Variants in SHH observed in about 807,000 individuals in gnomAD.
The protein encoded by SHH is sonic hedgehog signaling molecule.
SHH carries 3 observed loss-of-function variants against 16.6 expected under a neutral mutation model. The ratio of observed to expected loss-of-function variants is 0.18; its 90% CI spans 0.08 to 0.47. SHH has a LOEUF of 0.47. Among genes scored for constraint, SHH ranks in the 20% least tolerant of loss-of-function variants. SHH has a pLI of 0.98. For missense variants in SHH, 499 were observed against 665.0 expected, an observed-to-expected ratio of 0.75 and a Z score of 2.75; for synonymous variants, 351 against 316.2, an observed-to-expected ratio of 1.11 and a Z score of -1.17.
In SHH at chr7:155,802,776, A is replaced by ATTC. The variant is rs1554493557; in HGVS notation, c.*123_*124insGAA. On this transcript the variant is annotated 3_prime_UTR_variant, in exon 3 of 3. Coordinates refer to ENST00000297261, the MANE Select transcript of SHH (RefSeq NM_000193.4). The stretch of plus-strand genomic sequence containing the variant: ...AGTCTACTTTGGACTGTCCTACTTT[A>ATTC]TTATTCTTATTCTTATTATAACTCA... 7.9e-5 allele frequency: 43 copies of ATTC among 545,784 alleles called. No individual in the cohort carries two copies. The highest frequency in any genetic ancestry group is 3.4e-4 in the Admixed American group (8 of 23,408). 33.8% of individuals were successfully genotyped at this position (545,784 alleles called of 1,614,324 possible). A position where few individuals can be genotyped will look rare whatever the true frequency, so the allele number is the denominator to read the frequency against.
At position 155,802,188 on chromosome 7, in the gene SHH, A is replaced by G. The variant is rs1272357715; in HGVS notation, c.*712T>C. On this transcript the variant is annotated 3_prime_UTR_variant, in exon 3 of 3. Coordinates refer to ENST00000297261, the MANE Select transcript of SHH (RefSeq NM_000193.4). Reference sequence around the variant, plus strand: ...GAATGTGGCAAAATGGTGAATACAAAGGGAATATGAAACCATAAAGACAAC... The same window carrying G: ...GAATGTGGCAAAATGGTGAATACAAGGGGAATATGAAACCATAAAGACAAC... The G allele has an allele frequency of 2.0e-5, 3 of 152,078 alleles. No homozygotes were observed. The highest frequency in any genetic ancestry group is 2.9e-5 in the Non-Finnish European group (2 of 68,016). The allele number at this position is 152,078 out of a possible 1,614,324, so 9.4% of individuals were successfully genotyped here.
chr7:155,803,055 T>TGCCGCC lies in SHH; in HGVS notation c.1228_1233dup (p.Gly410_Gly411dup). The TGCCGCC allele has an allele frequency of 7.0e-7, 1 of 1,428,750 alleles. No individual in the cohort carries two copies. Among genetic ancestry groups the TGCCGCC allele is most frequent in the South Asian group, 1.7e-5 (1 of 59,152 alleles). The allele number at this position is 1,428,750 out of a possible 1,614,324, so 88.5% of individuals were successfully genotyped here. Reference sequence around the variant, plus strand: ...GCACCTGGAGCGGTTAGGGCTACTCTGCCGCCGCCGCCCCCGCGGTCCCCG... The same window carrying TGCCGCC: ...GCACCTGGAGCGGTTAGGGCTACTCTGCCGCCGCCGCCGCCGCCCCCGCGGTCCCCG... On this transcript the variant is annotated inframe_insertion, in exon 3 of 3. Transcript: ENST00000297261.
chr7:155,803,485 G>A lies in SHH; in HGVS notation c.804C>T (p.Ala268=), dbSNP rs1299168800. ...REPRERLLLT[A]AHLLFVAPHN... Reference sequence around the variant, plus strand: ...GCGGCGCCACAAAGAGCAGGTGCGCGGCGGTGAGCAGCAGGCGCTCGCGCG... The same window carrying A: ...GCGGCGCCACAAAGAGCAGGTGCGCAGCGGTGAGCAGCAGGCGCTCGCGCG... The change falls in exon 3 of 3, where the codon GCC becomes GCT. Residue 268 remains alanine, a synonymous_variant. Coordinates refer to ENST00000297261, the MANE Select transcript of SHH (RefSeq NM_000193.4). 3.2e-6 allele frequency: 5 copies of A among 1,567,770 alleles called. No homozygotes were observed. Among genetic ancestry groups the A allele is most frequent in the African/African-American group, 2.7e-5 (2 of 74,290 alleles).
At chr7:155,806,211 C>G (rs1477167086) in intron 2 of SHH, 85 bp downstream of exon 2, 4 of 1,560,096 alleles carry the variant, frequency 2.6e-6, no homozygotes, top group East Asian at 2.2e-5. Context: ...TCAGCCTCCC[C>G]CCAGGTTTCT....
chr7:155,804,616 A>G (rs1389845046), intron 2 of SHH, among the ~76,000 whole-genome samples: 1 of 140,592 alleles, frequency 7.1e-6, no homozygotes, highest in East Asian at 2.2e-4. Flanking sequence ...CCTCTCTTCC[A>G]AGCACTCAAG....
intron 1 of SHH, among the ~76,000 whole-genome samples, chr7:155,811,223 C>G (rs941960888): frequency 2.6e-5 from 4 of 152,244 alleles, no homozygotes; most frequent in African/African-American, 7.2e-5. Flanking sequence ...CAGGGACGGG[C>G]GGAGTCTCCC....
Position 155,802,652 on chromosome 7 carries a change from G to A in SHH, c.*248C>T, listed in dbSNP as rs200361045. 5.2e-3 allele frequency: 1,937 copies of A among 369,652 alleles called. 66 individuals are homozygous for A. The East Asian group carries it at 0.061, about 12-fold the overall frequency. The allele number at this position is 369,652 out of a possible 1,614,324, so 22.9% of individuals were successfully genotyped here. On this transcript the variant is annotated 3_prime_UTR_variant, in exon 3 of 3. Coordinates refer to ENST00000297261, the MANE Select transcript of SHH (RefSeq NM_000193.4). ...AAACAAATAAATAGCCAGGAGAGGA[G>A]GAAAAAATAACCAAAATAAAACAAT...
At position 155,806,362 on chromosome 7, in the gene SHH, C is replaced by T; in HGVS notation, c.496G>A (p.Val166Met). 1.2e-6 allele frequency: 2 copies of T among 1,613,592 alleles called. No individual in the cohort carries two copies. Among genetic ancestry groups the T allele is most frequent in the Non-Finnish European group, 1.7e-6 (2 of 1,180,040 alleles). Residue 166 changes from valine (V) to methionine (M), a missense_variant, in exon 2 of 3, where the codon GTG becomes ATG. Physicochemically the swap from Val to Met is conservative, Grantham distance 21 (BLOSUM62 1). This residue lies in a region of SHH where 114 missense variants were observed against 200.4 expected (regional missense o/e 0.57). Transcript: ENST00000297261. Reference protein sequence around the residue: ...SKYGMLARLAVEAGFDWVYYE... With the variant: ...SKYGMLARLAMEAGFDWVYYE... ...TACACCCAGTCGAAGCCGGCCTCCA[C>T]CGCCAGGCGGGCCAGCATGCCGTAC...
chr7:155,803,451 A>G lies in SHH; in HGVS notation c.838T>C (p.Ser280Pro), dbSNP rs1424023440. 1 of 1,544,606 alleles carries G rather than the reference A, an allele frequency of 6.5e-7. No individual in the cohort carries two copies. The highest frequency in any genetic ancestry group is 8.7e-7 in the Non-Finnish European group (1 of 1,149,958). ...HLLFVAPHNDSATGEPEASSG... is the reference protein window; with the variant it reads ...HLLFVAPHNDPATGEPEASSG... ...GACGCCTCGGGCTCCCCGGTGGCCG[A>G]GTCGTTGTGCGGCGCCACAAAGAGC... is the stretch of plus-strand genomic sequence containing the variant. The change falls in exon 3 of 3, where the codon TCG becomes CCG. Residue 280 changes from serine to proline, a missense_variant. Transcript: ENST00000297261.
rs531909012 is a variant in SHH, at chr7:155,805,279, G to A, written c.562+1017C>T. On this transcript the variant is annotated intron_variant, in intron 2 of 2. Coordinates refer to ENST00000297261, the MANE Select transcript of SHH (RefSeq NM_000193.4). ...CGCCGCCTCCTGCCTGCCTGCAGCC[G>A]GGAGCTCTCCGGGCCGCACACCCGC... Among the ~76,000 whole-genome samples the A allele has an allele frequency of 3.6e-3, 550 of 151,830 alleles. 2 individuals are homozygous for A. The highest frequency in any genetic ancestry group is 0.013 in the African/African-American group (531 of 41,426).
rs73735500 is a variant in SHH at position 155,812,311 on chromosome 7, C to A, written c.-189G>T. On this transcript the variant is annotated 5_prime_UTR_variant, in exon 1 of 3. Coordinates refer to ENST00000297261, the MANE Select transcript of SHH (RefSeq NM_000193.4). ...TATATAACCTTGCCCGCCGCGGCTG[C>A]GGGGGACTCTCCACCGCTCCCCACC... 381 of 637,920 alleles carry A rather than the reference C, an allele frequency of 6.0e-4. 1 individual carries two copies. The African/African-American group carries it at 6.1e-3, about 10-fold the overall frequency. 39.5% of individuals were successfully genotyped at this position (637,920 alleles called of 1,614,324 possible).
chr7:155,812,090 G>C lies in SHH; in HGVS notation c.33C>G (p.Val11=), dbSNP rs769792527. ...AGCATACCAGCAGCGAGGAGACGAG[G>C]ACTAGCAGCAGACATCTCGCCAGCA... The part of the protein sequence containing the change: MLLLARCLLL[V]LVSSLLVCSG... The change falls in exon 1 of 3, where the codon GTC becomes GTG. Residue 11 remains valine (V), a synonymous_variant. Coordinates refer to ENST00000297261, the MANE Select transcript of SHH (RefSeq NM_000193.4). The C allele has an allele frequency of 4.3e-6, 7 of 1,614,196 alleles. No homozygotes were observed. In the South Asian group the frequency reaches 7.7e-5, roughly 18 times the overall value.
chr7:155,806,074 C>G (rs1803353126), intron 2 of SHH, among the ~76,000 whole-genome samples: 1 of 152,248 alleles, frequency 6.6e-6, no homozygotes, highest in Non-Finnish European at 1.5e-5. Context: ...AGGACCCCAT[C>G]TCGGGGCATG....
In SHH at chr7:155,800,193, C is replaced by G; in HGVS notation, c.*2707G>C. The G allele has an allele frequency of 2.1e-6, 1 of 471,184 alleles. No individual in the cohort carries two copies. The highest frequency in any genetic ancestry group is 4.4e-6 in the Non-Finnish European group (1 of 227,086). The allele number at this position is 471,184 out of a possible 1,614,324, so 29.2% of individuals were successfully genotyped here. A position where few individuals can be genotyped will look rare whatever the true frequency, so the allele number is the denominator to read the frequency against. On this transcript the variant is annotated 3_prime_UTR_variant, in exon 3 of 3. Coordinates refer to ENST00000297261, the MANE Select transcript of SHH (RefSeq NM_000193.4). ...CTCGTCCTGGCGGGGCTGGGCTGCA[C>G]CCTCTTGATGCCCTGTACCTAGTGT...
rs1446099204 is a variant in SHH, at chr7:155,809,689, G to GA, written c.300+2133dup. On this transcript the variant is annotated intron_variant, in intron 1 of 2. Transcript: ENST00000297261. The surrounding 1 kb of genome is among the most constrained non-coding windows in gnomAD (Gnocchi z 6.1). Reference sequence around the variant, plus strand: ...GGAACGGGAATAGCCACTGCCCAAGGAAAAAAGTATTTGTTTTCGTTTCGT... The same window carrying GA: ...GGAACGGGAATAGCCACTGCCCAAGGAAAAAAAGTATTTGTTTTCGTTTCGT... Among the ~76,000 whole-genome samples the GA allele has an allele frequency of 1.3e-5, 2 of 151,970 alleles. No individual in the cohort carries two copies. The highest frequency in any genetic ancestry group is 4.8e-5 in the African/African-American group (2 of 41,420).
chr7:155,805,039 C>A (rs750213119), intron 2 of SHH, among the ~76,000 whole-genome samples: 3 of 152,138 alleles, frequency 2.0e-5, no homozygotes, highest in Non-Finnish European at 2.9e-5. Context: ...GCGCCCCGCG[C>A]CCCCGCCCGT....
At chr7:155,803,878 C>G (rs1803274392) in intron 2 of SHH, 152 bp from the exon 3 acceptor site, 2 of 651,324 alleles carry the variant, frequency 3.1e-6, no homozygotes, top group South Asian at 3.7e-5. Flanking sequence ...CCAGGCGGGT[C>G]CCGCACACAC....
chr7:155,805,620 A>G (rs1803337050), intron 2 of SHH, among the ~76,000 whole-genome samples: 1 of 152,200 alleles, frequency 6.6e-6, no homozygotes, highest in African/African-American at 2.4e-5. Flanking sequence ...CGCCGGCAAC[A>G]GCGTGTGGCG....
At position 155,809,671 on chromosome 7, in the gene SHH, G is replaced by T. The variant is rs1803458735; in HGVS notation, c.300+2152C>A. ...CCCCCTCCTTTTGTGTTGGGAACGG[G>T]AATAGCCACTGCCCAAGGAAAAAAG... On this transcript the variant is annotated intron_variant, in intron 1 of 2. Coordinates refer to ENST00000297261, the MANE Select transcript of SHH (RefSeq NM_000193.4). The surrounding 1 kb of genome is among the most constrained non-coding windows in gnomAD (Gnocchi z 6.1). Among the ~76,000 whole-genome samples, 1 of 152,222 alleles carries T rather than the reference G, an allele frequency of 6.6e-6. No homozygotes were observed. The highest frequency in any genetic ancestry group is 1.5e-5 in the Non-Finnish European group (1 of 68,036).
Sources: gnomAD v4.1 joint callset for allele counts (sites outside exome capture counted in the v4.1 genomes callset) on GRCh38, gnomAD v4.1.1 for gene constraint, gnomAD v4.1.1 regional missense constraint, Gnocchi (gnomAD v3.1) non-coding constraint, MANE v1.5 for transcripts, NCBI Gene and HGNC (gene_info 2026-07-23, HGNC 2026-07-21) for gene names.